The following TTC21B variants were observed in gnomAD, a reference collection of about 807,000 sequenced individuals.
The protein encoded by TTC21B is tetratricopeptide repeat protein 21B.
A neutral mutation model predicts 175.1 loss-of-function variants in TTC21B; 127 were observed. The ratio of observed to expected loss-of-function variants is 0.73; its 90% CI spans 0.63 to 0.84. The LOEUF is 0.84. Ranked by LOEUF, TTC21B falls within the 40% of genes least tolerant of loss-of-function variation. The pLI, the probability that TTC21B is intolerant of heterozygous loss-of-function variation, is 0.00. For synonymous variants in TTC21B, 524 were observed against 524.5 expected (o/e 1.00, Z 0.01); for missense variants, 1,561 against 1,558.3 (o/e 1.00, Z -0.03).
At chr2:165,893,573 G>A (rs1245683216) in intron 22 of TTC21B, among the ~76,000 whole-genome samples, 1 of 152,078 alleles carries the variant, frequency 6.6e-6, no homozygotes, top group Non-Finnish European at 1.5e-5. Context: ...AAACTAAAAT[G>A]TATATTACCT....
rs1687700084 is a variant in TTC21B, at chr2:165,949,627, C to G, written c.119G>C (p.Arg40Thr). Residue 40 changes from arginine (R) to threonine (T), a missense_variant, in exon 2 of 29, where the codon AGG (arginine) becomes ACG (threonine). Arg to Thr is a moderately conservative substitution (Grantham distance 71, BLOSUM62 -1). Coordinates refer to ENST00000243344, the MANE Select transcript of TTC21B (RefSeq NM_024753.5). ...IKRYGSDPVF[R>T]FYHAYGTLME... ...TAATGTGCCATAGGCATGATAAAAC[C>G]TGAAGACTGGATCACTTCCATACCT... 1.2e-6 allele frequency: 2 copies of G among 1,613,642 alleles called. No homozygotes were observed. The highest frequency in any genetic ancestry group is 1.7e-6 in the Non-Finnish European group (2 of 1,179,866).
At chr2:165,951,297 G>T (rs2105372110) in intron 1 of TTC21B, among the ~76,000 whole-genome samples, 1 of 152,284 alleles carries the variant, frequency 6.6e-6, no homozygotes, top group South Asian at 2.1e-4. Flanking sequence ...AGAATCTCTG[G>T]TCCTTCTTAC....
chr2:165,937,801 A>G, intron 6 of TTC21B, among the ~76,000 whole-genome samples: 1 of 147,920 alleles, frequency 6.8e-6, no homozygotes, highest in Admixed American at 6.7e-5. Flanking sequence ...ACACACACAC[A>G]CACACACACA....
chr2:165,928,587 A>T (rs1686765634), intron 11 of TTC21B: 1 of 152,862 alleles, frequency 6.5e-6, no homozygotes, highest in African/African-American at 2.4e-5. Flanking sequence ...GTGGAATGTG[A>T]AAACTAATTG....
chr2:165,880,974 T>C (rs1409012913), intron 26 of TTC21B, among the ~76,000 whole-genome samples, 175 bp from the exon 27 acceptor site: 1 of 152,214 alleles, frequency 6.6e-6, no homozygotes, highest in African/African-American at 2.4e-5. Flanking sequence ...ATGATTCTGA[T>C]GGCAAGTCTC....
At chr2:165,909,864 G>C (rs1481375763) in intron 18 of TTC21B, among the ~76,000 whole-genome samples, 1 of 152,162 alleles carries the variant, frequency 6.6e-6, no homozygotes, top group Non-Finnish European at 1.5e-5. Flanking sequence ...AAGGAAAGAA[G>C]TTATTAAATG....
chr2:165,941,066 G>A lies in TTC21B; in HGVS notation c.671C>T (p.Ala224Val), dbSNP rs145022246. The change falls in exon 6 of 29, where the codon GCC (alanine) becomes GTC (valine). Residue 224 changes from alanine (A) to valine (V), a missense_variant. Coordinates refer to ENST00000243344, the MANE Select transcript of TTC21B (RefSeq NM_024753.5). ...AFVKKMKLQL[A>V]LQDWDQTVET... ...AACTGTCTGGTCCCAATCCTGCAAG[G>A]CTAGTTGTAATTTCATTTTCTTAAC... 7 of 1,613,764 alleles carry A rather than the reference G, an allele frequency of 4.3e-6. No individual in the cohort carries two copies. Among genetic ancestry groups the A allele is most frequent in the African/African-American group, 1.3e-5 (1 of 74,886 alleles).
At chr2:165,878,848 A>G (rs1684754131) in intron 27 of TTC21B, among the ~76,000 whole-genome samples, 1 of 151,738 alleles carries the variant, frequency 6.6e-6, no homozygotes, top group South Asian at 2.1e-4. Context: ...TGCCCGGCTA[A>G]TTTTTGTATT....
rs533993431 is a variant in TTC21B at position 165,873,429 on chromosome 2, G to A, written c.*1326C>T. Reference sequence around the variant, plus strand: ...GGACTGTGTTTACTACAATTTTAAGGAAAATTGAAAAAGATGTAGATGAGA... The same window carrying A: ...GGACTGTGTTTACTACAATTTTAAGAAAAATTGAAAAAGATGTAGATGAGA... On this transcript the variant is annotated 3_prime_UTR_variant, in exon 29 of 29. Transcript: ENST00000243344. The A allele has an allele frequency of 6.6e-6, 1 of 152,182 alleles. No homozygotes were observed. Among genetic ancestry groups the A allele is most frequent in the East Asian group, 1.9e-4 (1 of 5,176 alleles). 9.4% of individuals were successfully genotyped at this position (152,182 alleles called of 1,614,324 possible). A position where few individuals can be genotyped will look rare whatever the true frequency, so the allele number is the denominator to read the frequency against.
intron 12 of TTC21B, among the ~76,000 whole-genome samples, chr2:165,923,442 CTTTTTTTTTT>C (rs772438655): frequency 7.7e-6 from 1 of 130,340 alleles, no homozygotes; most frequent in Non-Finnish European, 1.7e-5. Context: ...ATATGATGGT[CTTTTTTTTTT>C]TTTTTTTTTT....
intron 12 of TTC21B, among the ~76,000 whole-genome samples, chr2:165,923,068 AC>A (rs1398499383): frequency 6.6e-6 from 1 of 152,160 alleles, no homozygotes; most frequent in Non-Finnish European, 1.5e-5. Flanking sequence ...GATATAGTGG[AC>A]TTTGGAGACT....
chr2:165,933,273 T>C (rs1169921945), intron 6 of TTC21B, among the ~76,000 whole-genome samples: 1 of 152,184 alleles, frequency 6.6e-6, no homozygotes, highest in Non-Finnish European at 1.5e-5. Flanking sequence ...TTAAAAGATA[T>C]GAATAGATTA....
At chr2:165,910,880 A>T (rs1157295755) in intron 18 of TTC21B, among the ~76,000 whole-genome samples, 3 of 152,120 alleles carry the variant, frequency 2.0e-5, no homozygotes, top group Non-Finnish European at 2.9e-5. Context: ...ATACACACAC[A>T]TATATAGAAT....
Position 165,917,457 on chromosome 2 carries a change from A to G in TTC21B, c.1699T>C (p.Leu567=), listed in dbSNP as rs1686219118. The G allele has an allele frequency of 6.2e-7, 1 of 1,613,498 alleles. No homozygotes were observed. Among genetic ancestry groups the G allele is most frequent in the Non-Finnish European group, 8.5e-7 (1 of 1,179,664 alleles). ...FKVRDYPLYH[L]IKAQSQKKMG... Reference sequence around the variant, plus strand: ...TTCTTTTGTGACTGAGCTTTTATCAAATGGTATAAAGGATAGTCTCTCACC... The same window carrying G: ...TTCTTTTGTGACTGAGCTTTTATCAGATGGTATAAAGGATAGTCTCTCACC... Residue 567 remains leucine, a synonymous_variant, in exon 14 of 29, where the codon TTG becomes CTG. Transcript: ENST00000243344.
rs1684615465 is a variant in TTC21B at position 165,874,903 on chromosome 2, T to C, written c.3874-71A>G. The C allele has an allele frequency of 3.7e-6, 5 of 1,342,134 alleles. No individual in the cohort carries two copies. The South Asian group carries it at 4.7e-5, about 13-fold the overall frequency. The allele number at this position is 1,342,134 out of a possible 1,614,324, so 83.1% of individuals were successfully genotyped here. On this transcript the variant is annotated intron_variant, in intron 28 of 28. Transcript: ENST00000243344. ...AAAAACTACGGAGTTACAAAACTTA[T>C]AAGAAATGAGCATTACAGTTAAGAT...
intron 1 of TTC21B, 133 bp downstream of exon 1, chr2:165,953,552 A>AGCAGCCGGGGCACCGCAGGGAAACAGCG: frequency 6.9e-7 from 1 of 1,454,120 alleles, no homozygotes; most frequent in Non-Finnish European, 9.3e-7. Flanking sequence ...CCGCAACCCG[A>AGCAGCCGGGGCACCGCAGGGAAACAGCG]GCAGCCGGGG....
In TTC21B at chr2:165,949,575, G is replaced by C; in HGVS notation, c.151+20C>G. ...CAAGAATTTAAAACTGATGGAACAT[G>C]TTTAATGATTAACACGTACCTTCCA... On this transcript the variant is annotated intron_variant, in intron 2 of 28. Coordinates refer to ENST00000243344, the MANE Select transcript of TTC21B (RefSeq NM_024753.5). The C allele has an allele frequency of 6.2e-7, 1 of 1,613,796 alleles. No homozygotes were observed. The highest frequency in any genetic ancestry group is 8.5e-7 in the Non-Finnish European group (1 of 1,179,834).
chr2:165,898,871 G>A (rs1288483601), intron 21 of TTC21B, 104 bp from the exon 22 acceptor site: 5 of 742,914 alleles, frequency 6.7e-6, no homozygotes, highest in Admixed American at 5.9e-5. Context: ...ATAAACATGA[G>A]GAGGGGGCAG....
At position 165,953,726 on chromosome 2, in the gene TTC21B, G is replaced by T; in HGVS notation, c.-21C>A. 6.6e-7 allele frequency: 1 copy of T among 1,526,536 alleles called. No individual in the cohort carries two copies. Among genetic ancestry groups the T allele is most frequent in the South Asian group, 1.2e-5 (1 of 83,730 alleles). 94.6% of individuals were successfully genotyped at this position (1,526,536 alleles called of 1,614,324 possible). ...TCCATGGCTGCCCCGAGGCCGGGCC[G>T]CGGGGCTCTGGGGATTGTCTCGCCG... is the stretch of plus-strand genomic sequence containing the variant. On this transcript the variant is annotated 5_prime_UTR_variant, in exon 1 of 29. Coordinates refer to ENST00000243344, the MANE Select transcript of TTC21B (RefSeq NM_024753.5).
Sources: gnomAD v4.1 joint callset for allele counts (sites outside exome capture counted in the v4.1 genomes callset) on GRCh38, gnomAD v4.1.1 for gene constraint, MANE v1.5 for transcripts, NCBI Gene and HGNC (gene_info 2026-07-23, HGNC 2026-07-21) for gene names.